SESN1: variants seen among roughly 807,000 people sequenced by gnomAD.
SESN1 encodes sestrin 1, also known as sestrin-1.
In SESN1, 30 loss-of-function variants were observed where a neutral mutation model predicts 59.3. The ratio of observed to expected loss-of-function variants is 0.51; its 90% CI spans 0.38 to 0.69. The LOEUF is 0.69. Among genes scored for constraint, SESN1 ranks in the 30% least tolerant of loss-of-function variants. The pLI is 0.00. For missense variants in SESN1, 566 were observed against 673.0 expected, an observed-to-expected ratio of 0.84 and a Z score of 1.76; for synonymous variants, 197 against 219.9, an observed-to-expected ratio of 0.90 and a Z score of 0.92.
At chr6:109,063,843 C>T (rs1780770548) in intron 1 of SESN1, among the ~76,000 whole-genome samples, 1 of 150,930 alleles carries the variant, frequency 6.6e-6, no homozygotes, top group African/African-American at 2.4e-5. Context: ...AGAAAAATAC[C>T]TTCTACAAGT....
rs1484471803 is a variant in SESN1, at chr6:108,990,731, ATAAG to A, written c.1334_1337del (p.Thr445IlefsTer29). ...CATCTTTGTGCATTGCCATTGTATT[ATAAG>A]TAAGATTGTAAGCAATGTGAAATTT... On this transcript the variant is annotated frameshift_variant, in exon 8 of 10. Coordinates refer to ENST00000436639, the MANE Select transcript of SESN1 (RefSeq NM_014454.3). LOFTEE classifies it high-confidence loss of function. 2.5e-6 allele frequency: 4 copies of A among 1,614,014 alleles called. No homozygotes were observed. Among genetic ancestry groups the A allele is most frequent in the African/African-American group, 2.7e-5 (2 of 74,932 alleles).
intron 1 of SESN1, among the ~76,000 whole-genome samples, chr6:109,069,479 A>T (rs912187849): frequency 6.6e-6 from 1 of 152,204 alleles, no homozygotes; most frequent in Non-Finnish European, 1.5e-5. Context: ...CTGTAACAAA[A>T]TCTGAGGTAA....
intron 1 of SESN1, among the ~76,000 whole-genome samples, chr6:109,068,849 T>G (rs534385200): frequency 6.6e-6 from 1 of 151,824 alleles, no homozygotes; most frequent in Non-Finnish European, 1.5e-5. Context: ...GCCTCCCAAG[T>G]AGCTGGGATT....
chr6:109,044,795 G>A (rs1780398052), intron 1 of SESN1, among the ~76,000 whole-genome samples: 1 of 152,130 alleles, frequency 6.6e-6, no homozygotes, highest in African/African-American at 2.4e-5. Context: ...AGGTCGAGGA[G>A]GGCAGATCAC....
At chr6:109,056,552 G>A (rs1780636159) in intron 1 of SESN1, among the ~76,000 whole-genome samples, 1 of 152,220 alleles carries the variant, frequency 6.6e-6, no homozygotes, top group African/African-American at 2.4e-5. Flanking sequence ...ATGGACAGTA[G>A]GCTAACCCAA....
At chr6:109,009,700 G>T (rs566892104) in intron 1 of SESN1, 2 of 340,208 alleles carry the variant, frequency 5.9e-6, no homozygotes, top group African/African-American at 2.2e-5. Context: ...GGAACTGGCG[G>T]TCTGACGCGG....
intron 1 of SESN1, among the ~76,000 whole-genome samples, chr6:109,048,651 T>C (rs1780491642): frequency 6.6e-6 from 1 of 152,178 alleles, no homozygotes; most frequent in Non-Finnish European, 1.5e-5. Context: ...TAGGAGAATT[T>C]TTTTTATGTC....
intron 5 of SESN1, 175 bp downstream of exon 5, chr6:108,998,338 C>G (rs1779541680): frequency 9.4e-6 from 6 of 635,374 alleles, no homozygotes; most frequent in Non-Finnish European, 1.6e-5. Flanking sequence ...ATCACCTAGA[C>G]TAGTGATGAG....
intron 1 of SESN1, chr6:109,009,513 G>A (rs921254400): frequency 4.0e-5 from 48 of 1,198,882 alleles, no homozygotes; most frequent in Non-Finnish European, 4.8e-5. Flanking sequence ...CTGGGCAGCC[G>A]GCCGCGGCTC....
intron 1 of SESN1, among the ~76,000 whole-genome samples, chr6:109,029,954 CATT>C (rs1283992804): frequency 6.6e-6 from 1 of 152,198 alleles, no homozygotes; most frequent in Admixed American, 6.5e-5. Context: ...GGTTCTTAGA[CATT>C]ATTAACATGA....
At chr6:109,009,581 C>A (rs1363252616) in intron 1 of SESN1, 1 of 1,085,208 alleles carries the variant, frequency 9.2e-7, no homozygotes. Flanking sequence ...CGCCGACAAA[C>A]AAGCCGCGCG....
intron 7 of SESN1, among the ~76,000 whole-genome samples, chr6:108,991,298 A>G (rs1779379544): frequency 6.6e-6 from 1 of 152,036 alleles, no homozygotes; most frequent in Non-Finnish European, 1.5e-5. Context: ...CTAGAGTACA[A>G]TGGTATGATC....
Position 108,984,962 on chromosome 6 carries a change from G to A in SESN1, c.*2582C>T, listed in dbSNP as rs963112323. On this transcript the variant is annotated 3_prime_UTR_variant, in exon 10 of 10. Coordinates refer to ENST00000436639, the MANE Select transcript of SESN1 (RefSeq NM_014454.3). Reference sequence around the variant, plus strand: ...CTGGCCCATATATTGTTAACTCAGCGTCTCTGGGAGAATGAGGACGTGGAG... The same window carrying A: ...CTGGCCCATATATTGTTAACTCAGCATCTCTGGGAGAATGAGGACGTGGAG... 5.4e-4 allele frequency among the ~76,000 whole-genome samples: 82 copies of A among 152,210 alleles called. No homozygotes were observed. The highest frequency in any genetic ancestry group is 1.9e-3 in the African/African-American group (78 of 41,546).
At chr6:109,085,847 T>G (rs568699735) in intron 1 of SESN1, among the ~76,000 whole-genome samples, 10 of 152,290 alleles carry the variant, frequency 6.6e-5, no homozygotes, top group Non-Finnish European at 1.5e-4. Context: ...CCAGCAGCAC[T>G]TTCATCCTTC....
intron 1 of SESN1, among the ~76,000 whole-genome samples, chr6:109,079,970 A>C (rs1371223707): frequency 2.0e-5 from 3 of 152,180 alleles, no homozygotes; most frequent in East Asian, 3.9e-4. Flanking sequence ...TTTTAGCTAT[A>C]AACAACTTGC....
At chr6:109,085,542 C>G (rs929969710) in intron 1 of SESN1, among the ~76,000 whole-genome samples, 21 of 147,064 alleles carry the variant, frequency 1.4e-4, no homozygotes, top group African/African-American at 3.1e-4. Flanking sequence ...CACACACACA[C>G]AGAAATACAA....
intron 1 of SESN1, among the ~76,000 whole-genome samples, chr6:109,092,023 G>A (rs1171069194): frequency 6.6e-6 from 1 of 152,168 alleles, no homozygotes; most frequent in Admixed American, 6.5e-5. Flanking sequence ...CACAATATAA[G>A]TAAATTGCCT....
intron 3 of SESN1, among the ~76,000 whole-genome samples, chr6:109,000,994 C>T (rs1458173423): frequency 2.0e-5 from 3 of 152,092 alleles, no homozygotes; most frequent in African/African-American, 7.2e-5. Context: ...TTATTTACAT[C>T]TTGAACAGGA....
At chr6:109,026,763 A>C (rs979761024) in intron 1 of SESN1, among the ~76,000 whole-genome samples, 3 of 152,096 alleles carry the variant, frequency 2.0e-5, no homozygotes, top group African/African-American at 7.2e-5. Context: ...TCAGCCTCCC[A>C]AAGTGCTGGG....
Sources: gnomAD v4.1 joint callset for allele counts (sites outside exome capture counted in the v4.1 genomes callset) on GRCh38, gnomAD v4.1.1 for gene constraint, MANE v1.5 for transcripts, NCBI Gene and HGNC (gene_info 2026-07-23, HGNC 2026-07-21) for gene names.